Variants in PCNX1 observed in about 807,000 individuals in gnomAD.
PCNX1 encodes the protein pecanex 1, also known as pecanex-like protein 1.
In PCNX1, 78 loss-of-function variants were observed where a neutral mutation model predicts 242.2. That is an observed-to-expected ratio of 0.32 (90% CI 0.27 to 0.39). PCNX1 has a LOEUF of 0.39. Among genes scored for constraint, PCNX1 ranks in the 10% least tolerant of loss-of-function variants. PCNX1 has a pLI of 1.00. For synonymous variants in PCNX1, 1,024 were observed against 1,032.9 expected (o/e 0.99, Z 0.17); for missense variants, 2,581 against 2,856.5 (o/e 0.90, Z 2.20).
At chr14:71,019,739 CT>C (rs1054705510) in intron 12 of PCNX1, among the ~76,000 whole-genome samples, 288 of 145,998 alleles carry the variant, frequency 2.0e-3, no homozygotes, top group African/African-American at 5.3e-3. Context: ...AACTTGCATT[CT>C]TTTTTTTTTT....
intron 1 of PCNX1, among the ~76,000 whole-genome samples, chr14:70,915,219 G>A (rs1424207614): frequency 6.6e-6 from 1 of 152,042 alleles, no homozygotes; most frequent in African/African-American, 2.4e-5. Context: ...GCTACTATAT[G>A]TAAAGATGCC....
At chr14:71,035,521 G>A (rs1010561868) in intron 18 of PCNX1, among the ~76,000 whole-genome samples, 1 of 152,006 alleles carries the variant, frequency 6.6e-6, no homozygotes, top group African/African-American at 2.4e-5. Context: ...ACTTTGGGAG[G>A]CCAAGATGGG....
intron 6 of PCNX1, among the ~76,000 whole-genome samples, chr14:70,984,975 T>G (rs1387221064): frequency 1.3e-5 from 2 of 152,030 alleles, no homozygotes; most frequent in African/African-American, 4.8e-5. Flanking sequence ...TTGAGATAAA[T>G]GTGAAGTAAC....
intron 33 of PCNX1, among the ~76,000 whole-genome samples, chr14:71,108,027 G>A (rs887164025): frequency 1.3e-5 from 2 of 152,136 alleles, no homozygotes; most frequent in Admixed American, 6.5e-5. Context: ...CTAGTCCCCA[G>A]GCTGTACAGT....
Position 71,005,525 on chromosome 14 carries a change from G to A in PCNX1, c.2630-4109G>A, listed in dbSNP as rs562362854. Among the ~76,000 whole-genome samples the A allele has an allele frequency of 2.0e-5, 3 of 151,712 alleles. No homozygotes were observed. The East Asian group carries it at 5.8e-4, about 29-fold the overall frequency. Reference sequence around the variant, plus strand: ...TCTGTCTAAAAAAAAAAAAGGGGGGGTGGGGAATGCAATTGGAGTTTCTTA... The same window carrying A: ...TCTGTCTAAAAAAAAAAAAGGGGGGATGGGGAATGCAATTGGAGTTTCTTA... On this transcript the variant is annotated intron_variant, in intron 8 of 35. Transcript: ENST00000304743.
At chr14:71,002,811 G>A (rs576497728) in intron 8 of PCNX1, among the ~76,000 whole-genome samples, 1 of 152,116 alleles carries the variant, frequency 6.6e-6, no homozygotes, top group East Asian at 1.9e-4. Context: ...TAAAATTTCT[G>A]AACTGTCTTT....
intron 12 of PCNX1, 35 bp downstream of exon 12, chr14:71,019,197 A>G (rs1566707348): frequency 2.6e-6 from 4 of 1,531,090 alleles, no homozygotes; most frequent in Admixed American, 2.0e-5. Context: ...CTACGGAATT[A>G]TATTTGTGTT....
intron 28 of PCNX1, among the ~76,000 whole-genome samples, chr14:71,082,476 T>C (rs1450963109): frequency 1.3e-5 from 2 of 152,164 alleles, no homozygotes; most frequent in African/African-American, 4.8e-5. Flanking sequence ...CCACTATGAT[T>C]GTGTGGGAGT....
chr14:71,006,092 CGTGTGTGTGTCTGTGTGTGTGT>C (rs1237507496), intron 8 of PCNX1, among the ~76,000 whole-genome samples: 29 of 129,326 alleles, frequency 2.2e-4, no homozygotes, highest in Non-Finnish European at 3.6e-4. Context: ...CCAGCTAGTA[CGTGTGTGTGTCTGTGTGTGTGT>C]GTGTGTGTGT....
At chr14:70,984,685 C>T (rs1018573592) in intron 6 of PCNX1, among the ~76,000 whole-genome samples, 11 of 152,074 alleles carry the variant, frequency 7.2e-5, no homozygotes, top group African/African-American at 1.9e-4. Context: ...CGCGACCTGC[C>T]GACATCATTT....
At chr14:70,995,634 T>A in intron 7 of PCNX1, 107 bp from the exon 8 acceptor site, 1 of 901,684 alleles carries the variant, frequency 1.1e-6, no homozygotes, top group Non-Finnish European at 1.7e-6. Context: ...TAGGTTATGT[T>A]GAAAAAAAGT....
At chr14:71,018,943 C>G (rs556191487) in intron 11 of PCNX1, 66 bp from the exon 12 acceptor site, 2 of 1,364,102 alleles carry the variant, frequency 1.5e-6, no homozygotes, top group Admixed American at 2.1e-5. Context: ...CTTCCCTTCC[C>G]TTTTTTCCAT....
intron 1 of PCNX1, among the ~76,000 whole-genome samples, chr14:70,940,866 T>G (rs1372944496): frequency 6.6e-6 from 1 of 152,216 alleles, no homozygotes; most frequent in Admixed American, 6.5e-5. Context: ...TCTCACTTCA[T>G]TTCATTCATT....
At chr14:71,105,092 G>C (rs749276931) in intron 32 of PCNX1, 143 bp from the exon 33 acceptor site, 1 of 641,708 alleles carries the variant, frequency 1.6e-6, no homozygotes, top group Non-Finnish European at 2.7e-6. Flanking sequence ...GAGTTTTTTT[G>C]TTCCTAATAT....
At chr14:70,912,221 C>T (rs556010751) in intron 1 of PCNX1, among the ~76,000 whole-genome samples, 7 of 148,812 alleles carry the variant, frequency 4.7e-5, no homozygotes, top group East Asian at 2.0e-4. Context: ...GGCGACAGAG[C>T]GAGACTCTGT....
intron 12 of PCNX1, among the ~76,000 whole-genome samples, chr14:71,019,623 A>C (rs959528352): frequency 1.3e-5 from 2 of 152,176 alleles, no homozygotes; most frequent in Non-Finnish European, 2.9e-5. Flanking sequence ...GCTGGTCTCA[A>C]ACTCCTGACC....
chr14:71,083,107 A>AT (rs1361499165), intron 28 of PCNX1, among the ~76,000 whole-genome samples: 2 of 152,172 alleles, frequency 1.3e-5, no homozygotes, highest in Non-Finnish European at 2.9e-5. Flanking sequence ...TCCTTAGCTT[A>AT]TGAAGCTTAG....
chr14:71,091,267 A>C (rs1421590033), intron 30 of PCNX1, among the ~76,000 whole-genome samples: 1 of 152,182 alleles, frequency 6.6e-6, no homozygotes, highest in Non-Finnish European at 1.5e-5. Flanking sequence ...CAGGCAGGAA[A>C]ATCTAGGTGT....
chr14:71,018,643 A>G (rs1368311026), intron 11 of PCNX1, among the ~76,000 whole-genome samples: 2 of 152,220 alleles, frequency 1.3e-5, no homozygotes, highest in African/African-American at 4.8e-5. Context: ...TTTTTTAAAC[A>G]TAATGTGATT....
Sources: gnomAD v4.1 joint callset for allele counts (sites outside exome capture counted in the v4.1 genomes callset) on GRCh38, gnomAD v4.1.1 for gene constraint, MANE v1.5 for transcripts, NCBI Gene and HGNC (gene_info 2026-07-23, HGNC 2026-07-21) for gene names.